HSD17B12: variants seen among roughly 807,000 people sequenced by gnomAD.
HSD17B12 encodes hydroxysteroid 17-beta dehydrogenase 12, also known as very-long-chain 3-oxoacyl-CoA reductase.
HSD17B12 carries 32 observed loss-of-function variants against 39.3 expected under a neutral mutation model. The observed-to-expected ratio is 0.81, with a 90% CI of 0.61 to 1.09. The LOEUF is 1.09. Among genes scored for constraint, HSD17B12 ranks in the 50% least tolerant of loss-of-function variants. The pLI, the probability that HSD17B12 is intolerant of heterozygous loss-of-function variation, is 0.00. For missense variants in HSD17B12, 342 were observed against 382.9 expected, an observed-to-expected ratio of 0.89 and a Z score of 0.89; for synonymous variants, 150 against 146.7, an observed-to-expected ratio of 1.02 and a Z score of -0.16.
intron 1 of HSD17B12, among the ~76,000 whole-genome samples, chr11:43,746,007 C>G (rs774435687): frequency 3.3e-5 from 5 of 152,102 alleles, no homozygotes; most frequent in Non-Finnish European, 5.9e-5. Context: ...AAGACCCTGA[C>G]TCTTAAAAAT....
At chr11:43,806,619 C>T (rs1951020545) in intron 4 of HSD17B12, among the ~76,000 whole-genome samples, 1 of 152,028 alleles carries the variant, frequency 6.6e-6, no homozygotes, top group African/African-American at 2.4e-5. Context: ...CATGTTCTCA[C>T]TCATATGTGT....
the HSD17B12 span, chr11:43,576,534 C>G: frequency 1.3e-5 from 2 of 152,238 alleles, no homozygotes; most frequent in African/African-American, 4.8e-5. Context: ...TTTTTCCTCT[C>G]CTCTCTCCTC....
At chr11:43,854,987 T>C in intron 10 of HSD17B12, 123 bp downstream of exon 10, 2 of 1,138,314 alleles carry the variant, frequency 1.8e-6, no homozygotes, top group Non-Finnish European at 2.5e-6. Context: ...TAACAAGATA[T>C]CTATATCTTG....
chr11:43,583,872 G>T, the HSD17B12 span, among the ~76,000 whole-genome samples: 1 of 152,150 alleles, frequency 6.6e-6, no homozygotes, highest in East Asian at 1.9e-4. Flanking sequence ...CCTTCCGGGG[G>T]TGTGAGAAGT....
At chr11:43,718,626 GTC>G (rs766676385) in intron 1 of HSD17B12, 3 of 635,980 alleles carry the variant, frequency 4.7e-6, no homozygotes, top group Non-Finnish European at 8.4e-6. Flanking sequence ...ATGTTACTAA[GTC>G]TCTTACCCCA....
At chr11:43,774,977 A>T (rs1950685313) in intron 3 of HSD17B12, among the ~76,000 whole-genome samples, 1 of 152,182 alleles carries the variant, frequency 6.6e-6, no homozygotes, top group Admixed American at 6.5e-5. Context: ...CAAGAAGGAG[A>T]TTATCTCTGG....
chr11:43,658,928 A>G, the HSD17B12 span, among the ~76,000 whole-genome samples: 1 of 152,224 alleles, frequency 6.6e-6, no homozygotes, highest in Non-Finnish European at 1.5e-5. Context: ...GCTGTCAGAC[A>G]GGGACATTTA....
At chr11:43,730,036 ATG>A (rs566545788) in intron 1 of HSD17B12, among the ~76,000 whole-genome samples, 190 of 151,704 alleles carry the variant, frequency 1.3e-3, no homozygotes, top group Non-Finnish European at 2.2e-3. Flanking sequence ...AAACTTGTGG[ATG>A]TGTGTGTGTT....
intron 6 of HSD17B12, among the ~76,000 whole-genome samples, chr11:43,825,827 G>A (rs952442403): frequency 6.6e-6 from 1 of 152,208 alleles, no homozygotes; most frequent in South Asian, 2.1e-4. Flanking sequence ...CCAAAAATGA[G>A]AGAGTAGTTA....
chr11:43,840,135 G>GA, intron 9 of HSD17B12, 71 bp downstream of exon 9: 1 of 1,229,196 alleles, frequency 8.1e-7, no homozygotes. Context: ...TGCTGTCTTG[G>GA]CAATAACAAA....
chr11:43,659,098 G>A, the HSD17B12 span, among the ~76,000 whole-genome samples: 13 of 152,186 alleles, frequency 8.5e-5, no homozygotes, highest in Admixed American at 4.6e-4. Flanking sequence ...AATGGTGGGC[G>A]CCCCTTCCCC....
At chr11:43,798,236 G>C in intron 3 of HSD17B12, 84 bp from the exon 4 acceptor site, 1 of 769,554 alleles carries the variant, frequency 1.3e-6, no homozygotes, top group Non-Finnish European at 2.3e-6. Context: ...CGTCTGAAAG[G>C]ATAATGCTAT....
chr11:43,675,408 G>T, the HSD17B12 span, among the ~76,000 whole-genome samples: 1 of 152,100 alleles, frequency 6.6e-6, no homozygotes, highest in Non-Finnish European at 1.5e-5. Context: ...GTAATAGAAC[G>T]ACTCTGAGAC....
At chr11:43,611,932 G>T in the HSD17B12 span, among the ~76,000 whole-genome samples, 1 of 152,114 alleles carries the variant, frequency 6.6e-6, no homozygotes, top group Non-Finnish European at 1.5e-5. Flanking sequence ...TGAACTATAG[G>T]CATAATCTAC....
chr11:43,673,500 T>TTTTTTTC, the HSD17B12 span: 1 of 151,872 alleles, frequency 6.6e-6, no homozygotes, highest in South Asian at 2.1e-4. Flanking sequence ...TTCTTTTTTT[T>TTTTTTTC]TTTTTTTTTT....
the HSD17B12 span, among the ~76,000 whole-genome samples, chr11:43,602,423 G>T: frequency 1.3e-5 from 2 of 152,182 alleles, no homozygotes; most frequent in East Asian, 1.9e-4. Flanking sequence ...ACACAAATTT[G>T]GTCCTTTTGT....
intron 1 of HSD17B12, among the ~76,000 whole-genome samples, chr11:43,711,343 T>C (rs1950063484): frequency 6.6e-6 from 1 of 152,216 alleles, no homozygotes; most frequent in African/African-American, 2.4e-5. Flanking sequence ...AAAGAAGCTA[T>C]TCAAAAAGCA....
chr11:43,802,812 T>A (rs904080970), intron 4 of HSD17B12, among the ~76,000 whole-genome samples: 1 of 152,208 alleles, frequency 6.6e-6, no homozygotes, highest in Admixed American at 6.5e-5. Context: ...GTGCTGAGGT[T>A]GATAAACCCT....
chr11:43,836,015 T>G (rs1249866150), intron 7 of HSD17B12, among the ~76,000 whole-genome samples: 1 of 152,238 alleles, frequency 6.6e-6, no homozygotes, highest in African/African-American at 2.4e-5. Flanking sequence ...CAAGATTTAA[T>G]TTTTAAAGTG....
Sources: gnomAD v4.1 joint callset for allele counts (sites outside exome capture counted in the v4.1 genomes callset) on GRCh38, gnomAD v4.1.1 for gene constraint, MANE v1.5 for transcripts, NCBI Gene and HGNC (gene_info 2026-07-23, HGNC 2026-07-21) for gene names.